The following MTG2 variants were observed in gnomAD, a reference collection of about 807,000 sequenced individuals.
MTG2 encodes mitochondrial ribosome associated GTPase 2, also known as mitochondrial ribosome-associated GTPase 2.
In MTG2, 23 loss-of-function variants were observed where a neutral mutation model predicts 28.6. The observed-to-expected ratio is 0.80, with a 90% CI of 0.58 to 1.14. MTG2 has a LOEUF of 1.14. Ranked by LOEUF, MTG2 falls within the 50% of genes most tolerant of loss-of-function variation. The probability of loss-of-function intolerance (pLI) is 0.00; values close to 1 mark genes in which losing one functional copy is unlikely to be tolerated. For missense variants in MTG2, 539 were observed against 552.0 expected (o/e 0.98, Z 0.24); for synonymous variants, 260 against 251.8 (o/e 1.03, Z -0.31).
At chr20:62,191,175 C>T (rs574938304) in intron 1 of MTG2, among the ~76,000 whole-genome samples, 11 of 152,282 alleles carry the variant, frequency 7.2e-5, no homozygotes, top group African/African-American at 2.2e-4. Flanking sequence ...CTGCCTCCCA[C>T]GTGTCAGGGC....
chr20:62,201,027 G>A lies in MTG2; in HGVS notation c.1171G>A (p.Ala391Thr), dbSNP rs140539598. The part of the protein sequence containing the change: ...LLLHLKVLYD[A>T]YAEAELGQGR... ...GTTGCACCTGAAGGTGCTGTATGAC[G>A]CCTACGCGGAGGCCGAGCTGGGCCA... The change falls in exon 7 of 7, where the codon GCC becomes ACC. Residue 391 changes from alanine to threonine, a missense_variant. Ala to Thr is a moderately conservative substitution (Grantham distance 58). Coordinates refer to ENST00000370823, the MANE Select transcript of MTG2 (RefSeq NM_015666.4). The A allele has an allele frequency of 6.5e-5, 105 of 1,610,760 alleles. No homozygotes were observed. In the African/African-American group the frequency reaches 1.2e-3, roughly 18 times the overall value.
chr20:62,198,179 T>C, intron 4 of MTG2: 1 of 576,968 alleles, frequency 1.7e-6, no homozygotes, highest in African/African-American at 1.9e-5. Context: ...TCACACCATG[T>C]GCATGTCTAG....
Position 62,198,603 on chromosome 20 carries a change from G to T in MTG2, c.469-31G>T, listed in dbSNP as rs773338452. The T allele has an allele frequency of 5.0e-6, 8 of 1,606,084 alleles. No homozygotes were observed. The East Asian group carries it at 1.8e-4, about 36-fold the overall frequency. Reference sequence around the variant, plus strand: ...GCCTCCTTTCCTCACTGCTGGTAGAGCTCAGCTGATGAGTGCCTGCTGTTC... The same window carrying T: ...GCCTCCTTTCCTCACTGCTGGTAGATCTCAGCTGATGAGTGCCTGCTGTTC... On this transcript the variant is annotated intron_variant, in intron 4 of 6. Transcript: ENST00000370823.
chr20:62,200,440 C>G (rs1739591), intron 6 of MTG2, among the ~76,000 whole-genome samples: 1 of 151,982 alleles, frequency 6.6e-6, no homozygotes, highest in Admixed American at 6.5e-5. Flanking sequence ...TCCATCGCCA[C>G]GCTGGTCTCC....
chr20:62,184,226 C>T (rs1013009359), intron 1 of MTG2, among the ~76,000 whole-genome samples: 2 of 152,144 alleles, frequency 1.3e-5, no homozygotes, highest in Non-Finnish European at 2.9e-5. Context: ...GGCGTGGTGG[C>T]AGGCGCCTGT....
At chr20:62,186,253 GACTT>G (rs2057842759) in intron 1 of MTG2, among the ~76,000 whole-genome samples, 1 of 152,124 alleles carries the variant, frequency 6.6e-6, no homozygotes, top group South Asian at 2.1e-4. Context: ...GATGATGAAG[GACTT>G]ACTTCACAGA....
intron 1 of MTG2, among the ~76,000 whole-genome samples, chr20:62,186,739 C>G (rs905652556): frequency 2.0e-5 from 3 of 151,832 alleles, no homozygotes; most frequent in Non-Finnish European, 4.4e-5. Context: ...ATGTTGGCCA[C>G]GCTGGTCTTG....
chr20:62,189,785 C>T (rs916319480), intron 1 of MTG2, among the ~76,000 whole-genome samples: 1 of 151,600 alleles, frequency 6.6e-6, no homozygotes, highest in South Asian at 2.1e-4. Context: ...CTGCCTCAGC[C>T]TCCTGAGTAG....
chr20:62,191,453 A>G (rs1439784699), intron 1 of MTG2, among the ~76,000 whole-genome samples: 1 of 152,164 alleles, frequency 6.6e-6, no homozygotes, highest in East Asian at 1.9e-4. Context: ...TAAGTGATTC[A>G]GGAGGAAGTT....
intron 1 of MTG2, among the ~76,000 whole-genome samples, chr20:62,190,798 C>T (rs2057943925): frequency 2.0e-5 from 3 of 152,220 alleles, no homozygotes; most frequent in Admixed American, 6.5e-5. Context: ...AGGAAGTCCG[C>T]AGGGATGCCT....
chr20:62,189,445 G>A (rs1442996364), intron 1 of MTG2, among the ~76,000 whole-genome samples: 2 of 152,060 alleles, frequency 1.3e-5, no homozygotes, highest in African/African-American at 4.8e-5. Flanking sequence ...AAGTAGCTGG[G>A]ACTATAGGGG....
rs1218087091 is a variant in MTG2 at position 62,200,982 on chromosome 20, G to A, written c.1126G>A (p.Glu376Lys). The A allele has an allele frequency of 6.2e-6, 10 of 1,613,862 alleles. No individual in the cohort carries two copies. The highest frequency in any genetic ancestry group is 3.3e-5 in the South Asian group (3 of 91,088). ...CATCGTGCTGTCGGCGTTGACCGGC[G>A]AGAACCTGGAGCAGCTGCTGTTGCA... is the stretch of plus-strand genomic sequence containing the variant. ...EVIVLSALTG[E>K]NLEQLLLHLK... The change falls in exon 7 of 7, where the codon GAG (glutamate) becomes AAG (lysine). Residue 376 changes from glutamate (E) to lysine (K), a missense_variant. Transcript: ENST00000370823.
rs762450102 is a variant in MTG2, at chr20:62,198,772, C to T, written c.607C>T (p.Pro203Ser). 3.1e-6 allele frequency: 5 copies of T among 1,614,044 alleles called. No individual in the cohort carries two copies. The highest frequency in any genetic ancestry group is 4.2e-6 in the Non-Finnish European group (5 of 1,180,050). Residue 203 changes from proline (P) to serine (S), a missense_variant, in exon 5 of 7, where the codon CCT becomes TCT. By Grantham distance (74) the Pro-to-Ser change is moderately conservative. Transcript: ENST00000370823. ...CTTCCTGGCCAACAACAACCGTGCC[C>T]CTGTGACCTGTACCCCTGGACAGCC... ...RFFLANNNRA[P>S]VTCTPGQPGQ...
chr20:62,185,294 C>T (rs990462937), intron 1 of MTG2, among the ~76,000 whole-genome samples: 1 of 152,050 alleles, frequency 6.6e-6, no homozygotes, highest in African/African-American at 2.4e-5. Context: ...CAGCTGTAAT[C>T]CCAGCTACTC....
chr20:62,186,058 T>C (rs1007218537), intron 1 of MTG2, among the ~76,000 whole-genome samples: 2 of 148,414 alleles, frequency 1.3e-5, no homozygotes, highest in Non-Finnish European at 3.0e-5. Flanking sequence ...AAGCCTGGTT[T>C]CCAGAATATC....
chr20:62,195,559 G>C (rs1450059865), intron 2 of MTG2, among the ~76,000 whole-genome samples: 1 of 152,234 alleles, frequency 6.6e-6, no homozygotes, highest in Non-Finnish European at 1.5e-5. Context: ...AATTTTTGAA[G>C]TGTAGGTCCA....
At position 62,198,850 on chromosome 20, in the gene MTG2, A is replaced by G. The variant is rs375263257; in HGVS notation, c.685A>G (p.Met229Val). The change falls in exon 5 of 7, where the codon ATG (methionine) becomes GTG (valine). Residue 229 changes from methionine (M) to valine (V), a missense_variant and splice_region_variant. Coordinates refer to ENST00000370823, the MANE Select transcript of MTG2 (RefSeq NM_015666.4). Reference protein sequence around the residue: ...LELKTVAHAGMVGFPNAGKSS... With the variant: ...LELKTVAHAGVVGFPNAGKSS... ...GCTCAAGACGGTGGCCCACGCCGGAATGGTAGGTGTCCCCACTGCCAACAG... is the reference window on the plus strand; with the variant it reads ...GCTCAAGACGGTGGCCCACGCCGGAGTGGTAGGTGTCCCCACTGCCAACAG... 4.6e-5 allele frequency: 75 copies of G among 1,613,844 alleles called. No homozygotes were observed. Among genetic ancestry groups the G allele is most frequent in the Non-Finnish European group, 6.2e-5 (73 of 1,180,014 alleles).
At chr20:62,198,571 G>C (rs2058101891) in intron 4 of MTG2, 63 bp from the exon 5 acceptor site, 5 of 1,544,170 alleles carry the variant, frequency 3.2e-6, no homozygotes, top group Non-Finnish European at 4.4e-6. Context: ...TTCAGGAATG[G>C]GTTAAGGCCT....
At chr20:62,184,667 G>T (rs1215864582) in intron 1 of MTG2, among the ~76,000 whole-genome samples, 1 of 152,182 alleles carries the variant, frequency 6.6e-6, no homozygotes, top group African/African-American at 2.4e-5. Flanking sequence ...AGAGGGCCAG[G>T]TCCCAGTAGG....
Sources: allele counts gnomAD v4.1 joint callset (sites outside exome capture counted in the v4.1 genomes callset), GRCh38; gene constraint gnomAD v4.1.1; transcripts MANE v1.5; gene names NCBI Gene and HGNC (gene_info 2026-07-23, HGNC 2026-07-21).